The following RPS6KA2 variants were observed in gnomAD, a reference collection of about 807,000 sequenced individuals.
The protein encoded by RPS6KA2 is ribosomal protein S6 kinase A2.
In RPS6KA2, 42 loss-of-function variants were observed where a neutral mutation model predicts 91.8. That is an observed-to-expected ratio of 0.46 (90% CI 0.36 to 0.59). RPS6KA2 has a LOEUF of 0.59. RPS6KA2 is among the 20% of genes least tolerant of loss of function. RPS6KA2 has a pLI of 0.00. For synonymous variants in RPS6KA2, 414 were observed against 393.6 expected, an observed-to-expected ratio of 1.05 and a Z score of -0.61; for missense variants, 798 against 978.5, an observed-to-expected ratio of 0.82 and a Z score of 2.46.
At chr6:166,855,420 AGAAGAAGAG>A (rs1562473140) in intron 2 of RPS6KA2, among the ~76,000 whole-genome samples, 1 of 129,324 alleles carries the variant, frequency 7.7e-6, no homozygotes, top group Non-Finnish European at 1.6e-5. Flanking sequence ...AGGAGGAGGA[AGAAGAAGAG>A]GAAGAAGAGG....
At chr6:166,697,077 GTGTATTTGTA>G (rs1789381192) in intron 2 of RPS6KA2, among the ~76,000 whole-genome samples, 1 of 144,074 alleles carries the variant, frequency 6.9e-6, no homozygotes, top group Non-Finnish European at 1.5e-5. Flanking sequence ...GTGTGTGTGT[GTGTATTTGTA>G]TGTGTGTATA....
intron 1 of RPS6KA2, among the ~76,000 whole-genome samples, chr6:166,576,822 A>G (rs1031758571): frequency 6.6e-6 from 1 of 152,208 alleles, no homozygotes; most frequent in African/African-American, 2.4e-5. Flanking sequence ...TTGAATGTTA[A>G]TCCCCGAGAC....
chr6:166,721,117 G>A (rs893084215), intron 2 of RPS6KA2, among the ~76,000 whole-genome samples: 7 of 152,294 alleles, frequency 4.6e-5, no homozygotes, highest in Middle Eastern at 3.4e-3. Context: ...ACAATTTCAC[G>A]AGGATCCCTA....
At chr6:166,671,000 A>T (rs1282144520) in intron 2 of RPS6KA2, among the ~76,000 whole-genome samples, 1 of 151,998 alleles carries the variant, frequency 6.6e-6, no homozygotes, top group African/African-American at 2.4e-5. Context: ...TTTTGTAGAG[A>T]CAGGTTTTCG....
intron 2 of RPS6KA2, among the ~76,000 whole-genome samples, chr6:166,792,284 C>A (rs929313489): frequency 6.6e-6 from 1 of 152,182 alleles, no homozygotes; most frequent in Non-Finnish European, 1.5e-5. Context: ...GACACATACA[C>A]CGACCCAAGA....
chr6:166,543,342 G>A (rs976448487), intron 1 of RPS6KA2, among the ~76,000 whole-genome samples: 3 of 152,202 alleles, frequency 2.0e-5, no homozygotes, highest in Non-Finnish European at 4.4e-5. Context: ...CAAGGAACTT[G>A]TTAAAATGCA....
Position 166,557,416 on chromosome 6 carries a change from C to T in RPS6KA2, c.100-18632G>A, listed in dbSNP as rs1784209774. On this transcript the variant is annotated intron_variant, in intron 1 of 20. Transcript: ENST00000265678. The surrounding 1 kb of genome is among the most constrained non-coding windows in gnomAD (Gnocchi z 4.8). ...TCACTCTGAAAATGAACTGTTCTCC[C>T]ACTGAGCTGTGCCTCAACCCAAATT... is the stretch of plus-strand genomic sequence containing the variant. Among the ~76,000 whole-genome samples, 1 of 152,256 alleles carries T rather than the reference C, an allele frequency of 6.6e-6. No individual in the cohort carries two copies. The highest frequency in any genetic ancestry group is 2.4e-5 in the African/African-American group (1 of 41,472).
intron 2 of RPS6KA2, among the ~76,000 whole-genome samples, chr6:166,831,497 G>A (rs1038184743): frequency 1.3e-5 from 2 of 151,822 alleles, no homozygotes; most frequent in African/African-American, 4.8e-5. Context: ...GGGCAGTGAG[G>A]ACCAAGACAC....
At position 166,533,743 on chromosome 6, in the gene RPS6KA2, C is replaced by T. The variant is rs1016418238; in HGVS notation, c.217-2430G>A. Among the ~76,000 whole-genome samples, 33 of 152,114 alleles carry T rather than the reference C, an allele frequency of 2.2e-4. No individual in the cohort carries two copies. The highest frequency in any genetic ancestry group is 7.5e-4 in the African/African-American group (31 of 41,436). On this transcript the variant is annotated intron_variant, in intron 2 of 20. Transcript: ENST00000265678. The surrounding 1 kb of genome is among the most constrained non-coding windows in gnomAD (Gnocchi z 4.0). The stretch of plus-strand genomic sequence containing the variant: ...ACAGATGAATCTATCCATTCCATTG[C>T]GGCGAAGCTGACATGTTAGCTCCCA...
intron 2 of RPS6KA2, among the ~76,000 whole-genome samples, chr6:166,835,573 A>T (rs1373045673): frequency 6.6e-6 from 1 of 152,262 alleles, no homozygotes. Context: ...AAGAAATAAA[A>T]AATTGACTTT....
In RPS6KA2 at chr6:166,821,772, A is replaced by T. The variant is rs1779910060; in HGVS notation, c.123+36428T>A. ...GTAGTAAGGCCCTGACCCTTCTGTG[A>T]CCTCCCTCCTAAGGCCGCCTACTTG... On this transcript the variant is annotated intron_variant, in intron 2 of 21. Transcript: ENST00000503859. This position sits in a 1 kb window ranked among gnomAD's most constrained non-coding sequence, Gnocchi z 4.1. 6.6e-6 allele frequency among the ~76,000 whole-genome samples: 1 copy of T among 151,250 alleles called. No individual in the cohort carries two copies. The highest frequency in any genetic ancestry group is 6.6e-5 in the Admixed American group (1 of 15,198).
At chr6:166,642,009 A>G (rs551091158) in intron 2 of RPS6KA2, among the ~76,000 whole-genome samples, 3 of 152,040 alleles carry the variant, frequency 2.0e-5, no homozygotes, top group African/African-American at 7.2e-5. Flanking sequence ...AGAATTTTTC[A>G]GAGTAGATAA....
chr6:166,427,735 C>A (rs1290412174), intron 16 of RPS6KA2, among the ~76,000 whole-genome samples: 2 of 152,106 alleles, frequency 1.3e-5, no homozygotes, highest in African/African-American at 4.8e-5. Flanking sequence ...CCTAGGAATC[C>A]AACTTACAAG....
rs1159606201 is a variant in RPS6KA2 at position 166,737,277 on chromosome 6, T to C, written c.123+120923A>G. Reference sequence around the variant, plus strand: ...AGAAGCAAATAAATCTGCAAGGCTATTGGCGTCTCTCCCTAATAAATCGTG... The same window carrying C: ...AGAAGCAAATAAATCTGCAAGGCTACTGGCGTCTCTCCCTAATAAATCGTG... On this transcript the variant is annotated intron_variant, in intron 2 of 21. Transcript: ENST00000503859. The surrounding 1 kb of genome is among the most constrained non-coding windows in gnomAD (Gnocchi z 4.3). 2.0e-5 allele frequency among the ~76,000 whole-genome samples: 3 copies of C among 152,240 alleles called. No individual in the cohort carries two copies. Among genetic ancestry groups the C allele is most frequent in the Non-Finnish European group, 4.4e-5 (3 of 68,042 alleles).
intron 19 of RPS6KA2, 52 bp from the exon 20 acceptor site, chr6:166,413,983 G>GGTCAGAGAGCCTCCCCAGCAGAAC (rs768637346): frequency 1.4e-5 from 22 of 1,573,180 alleles, no homozygotes; most frequent in African/African-American, 6.7e-5. Context: ...ATTTGTGCTG[G>GGTCAGAGAGCCTCCCCAGCAGAAC]GTCAGAGAGC....
In RPS6KA2 at chr6:166,648,110, G is replaced by A. The variant is rs1335273055; in HGVS notation, c.124-109326C>T. ...TACACACACGCTCATACACACACGTGCACACACACGCTCATACACATACAT... is the reference window on the plus strand; with the variant it reads ...TACACACACGCTCATACACACACGTACACACACACGCTCATACACATACAT... On this transcript the variant is annotated intron_variant, in intron 2 of 21. Coordinates refer to the RPS6KA2 transcript ENST00000503859. The surrounding 1 kb of genome is among the most constrained non-coding windows in gnomAD (Gnocchi z 4.8). Among the ~76,000 whole-genome samples, 1 of 109,718 alleles carries A rather than the reference G, an allele frequency of 9.1e-6. No homozygotes were observed. The highest frequency in any genetic ancestry group is 3.3e-5 in the African/African-American group (1 of 29,914). The allele number at this position is 109,718 out of a possible 152,430, so 72.0% of individuals were successfully genotyped here.
chr6:166,778,892 G>A (rs1318975085), intron 2 of RPS6KA2, among the ~76,000 whole-genome samples: 1 of 152,244 alleles, frequency 6.6e-6, no homozygotes. Context: ...GAGAGTTGGA[G>A]AAGCAAAAAC....
chr6:166,537,667 A>T (rs926102905), intron 2 of RPS6KA2, among the ~76,000 whole-genome samples: 1 of 152,256 alleles, frequency 6.6e-6, no homozygotes, highest in African/African-American at 2.4e-5. Context: ...TCTACACTTA[A>T]ATTAACAGCA....
intron 1 of RPS6KA2, among the ~76,000 whole-genome samples, chr6:166,577,694 G>C (rs947927496): frequency 2.0e-5 from 3 of 152,206 alleles, no homozygotes; most frequent in Non-Finnish European, 4.4e-5. Flanking sequence ...CCTTGTCTCA[G>C]ATGAGACTTT....
Sources: gnomAD v4.1 joint callset for allele counts (sites outside exome capture counted in the v4.1 genomes callset) on GRCh38, gnomAD v4.1.1 for gene constraint, Gnocchi (gnomAD v3.1) non-coding constraint, MANE v1.5 for transcripts, NCBI Gene and HGNC (gene_info 2026-07-23, HGNC 2026-07-21) for gene names.